LIN28B: variants seen among roughly 807,000 people sequenced by gnomAD.
The protein encoded by LIN28B is protein lin-28 homolog B.
Under a neutral mutation model 21.9 loss-of-function variants are expected in LIN28B, and 5 were observed. The ratio of observed to expected loss-of-function variants is 0.23; its 90% CI spans 0.12 to 0.48. The LOEUF (loss-of-function observed/expected upper bound fraction) is 0.48. Ranked by LOEUF, LIN28B falls within the 20% of genes least tolerant of loss-of-function variation. LIN28B has a pLI of 0.98. For missense variants in LIN28B, 245 were observed against 310.5 expected (o/e 0.79, Z 1.58); for synonymous variants, 109 against 111.3 (o/e 0.98, Z 0.13).
At chr6:105,046,116 A>G (rs1004543081) in intron 3 of LIN28B, among the ~76,000 whole-genome samples, 1 of 152,142 alleles carries the variant, frequency 6.6e-6, no homozygotes, top group African/African-American at 2.4e-5. Context: ...TGCTGCATCC[A>G]TTAACTCAAC....
chr6:105,009,611 C>G (rs965708305), intron 2 of LIN28B, among the ~76,000 whole-genome samples: 4 of 152,128 alleles, frequency 2.6e-5, no homozygotes, highest in Non-Finnish European at 5.9e-5. Context: ...ACTACCTGTC[C>G]CATCAACTGT....
At chr6:105,070,683 G>A (rs1455741853) in intron 3 of LIN28B, among the ~76,000 whole-genome samples, 2 of 150,132 alleles carry the variant, frequency 1.3e-5, no homozygotes, top group African/African-American at 4.9e-5. Context: ...GAGAGTCTGA[G>A]GTAGAGGATG....
Position 105,026,279 on chromosome 6 carries a change from C to T in LIN28B, c.199-19C>T. On this transcript the variant is annotated intron_variant, in intron 2 of 3. Transcript: ENST00000345080. Reference sequence around the variant, plus strand: ...TTTAATCTCTCTTTTTCTCCCCCACCCTCTTCTGCTCTTTACAGAGCAAAC... The same window carrying T: ...TTTAATCTCTCTTTTTCTCCCCCACTCTCTTCTGCTCTTTACAGAGCAAAC... 1 of 1,443,046 alleles carries T rather than the reference C, an allele frequency of 6.9e-7. No homozygotes were observed. The highest frequency in any genetic ancestry group is 9.4e-7 in the Non-Finnish European group (1 of 1,069,394). 89.4% of individuals were successfully genotyped at this position (1,443,046 alleles called of 1,614,324 possible). A position where few individuals can be genotyped will look rare whatever the true frequency, so the allele number is the denominator to read the frequency against.
intron 2 of LIN28B, among the ~76,000 whole-genome samples, chr6:104,958,810 G>A (rs552878086): frequency 1.1e-3 from 173 of 152,282 alleles, no homozygotes; most frequent in Non-Finnish European, 1.9e-3. Flanking sequence ...TGACTTCATA[G>A]TAAAATAAAA....
At chr6:104,974,758 A>G (rs1426680239) in intron 2 of LIN28B, among the ~76,000 whole-genome samples, 4 of 151,946 alleles carry the variant, frequency 2.6e-5, no homozygotes, top group Non-Finnish European at 4.4e-5. Context: ...GATAAAAAAA[A>G]TAAATATTGC....
At chr6:104,991,004 C>G (rs962808169) in intron 2 of LIN28B, among the ~76,000 whole-genome samples, 1 of 152,212 alleles carries the variant, frequency 6.6e-6, no homozygotes, top group African/African-American at 2.4e-5. Context: ...CTATCTTTTC[C>G]CCACATTTCC....
chr6:104,964,674 T>C (rs1017679936), intron 2 of LIN28B, among the ~76,000 whole-genome samples: 8 of 152,224 alleles, frequency 5.3e-5, no homozygotes, highest in Non-Finnish European at 1.2e-4. Context: ...GTAATGTGTT[T>C]AAGAAAGTAC....
intron 2 of LIN28B, among the ~76,000 whole-genome samples, chr6:104,990,328 T>C (rs1770434639): frequency 6.6e-6 from 1 of 151,906 alleles, no homozygotes; most frequent in South Asian, 2.1e-4. Flanking sequence ...TTAAGCTAGT[T>C]AGTCATATTC....
intron 2 of LIN28B, among the ~76,000 whole-genome samples, chr6:105,010,944 A>G (rs1366495929): frequency 2.0e-5 from 3 of 152,170 alleles, no homozygotes; most frequent in Non-Finnish European, 4.4e-5. Flanking sequence ...TAGAACTTCA[A>G]ATAAATGGAA....
chr6:105,001,251 A>T (rs1349132831), intron 2 of LIN28B, among the ~76,000 whole-genome samples: 2 of 152,232 alleles, frequency 1.3e-5, no homozygotes, highest in African/African-American at 4.8e-5. Flanking sequence ...GTGGGGTATG[A>T]ACAGTGTCTA....
chr6:104,995,518 C>T (rs1177169738), intron 2 of LIN28B, among the ~76,000 whole-genome samples: 4 of 152,038 alleles, frequency 2.6e-5, no homozygotes, highest in African/African-American at 9.7e-5. Flanking sequence ...GGTCTGAGAA[C>T]TCAAGTCTAG....
At chr6:104,981,753 A>T (rs1770231265) in intron 2 of LIN28B, among the ~76,000 whole-genome samples, 1 of 152,210 alleles carries the variant, frequency 6.6e-6, no homozygotes, top group African/African-American at 2.4e-5. Flanking sequence ...ATCCCAAGAT[A>T]CCCAGAAAAA....
chr6:104,951,298 TA>T (rs1778218042), intron 3 of LIN28B, among the ~76,000 whole-genome samples: 1 of 152,144 alleles, frequency 6.6e-6, no homozygotes. Flanking sequence ...ATTCTGTTAT[TA>T]AACTTTTCAA....
intron 2 of LIN28B, among the ~76,000 whole-genome samples, chr6:105,012,444 G>A (rs1770944092): frequency 6.6e-6 from 1 of 151,824 alleles, no homozygotes; most frequent in Non-Finnish European, 1.5e-5. Context: ...ACTCCAGCTT[G>A]GGTGACAGAG....
At chr6:104,950,812 T>G (rs1021531897) in intron 3 of LIN28B, among the ~76,000 whole-genome samples, 1 of 152,174 alleles carries the variant, frequency 6.6e-6, no homozygotes, top group Non-Finnish European at 1.5e-5. Flanking sequence ...TAACAGATAT[T>G]TAAATGCTTA....
chr6:104,984,143 G>GATAT (rs1770283564), intron 2 of LIN28B, among the ~76,000 whole-genome samples: 1 of 152,180 alleles, frequency 6.6e-6, no homozygotes, highest in African/African-American at 2.4e-5. Context: ...AAGTGAGTTA[G>GATAT]ATATATAAGA....
At chr6:105,026,223 TTA>T in intron 2 of LIN28B, 73 bp from the exon 3 acceptor site, 1 of 768,492 alleles carries the variant, frequency 1.3e-6, no homozygotes, top group Non-Finnish European at 2.0e-6. Flanking sequence ...TTTTTTAAAA[TTA>T]TAGAGATAAT....
In LIN28B at chr6:104,958,298, T is replaced by A. The variant is rs371978787; in HGVS notation, c.198+12T>A. 35 of 1,537,088 alleles carry A rather than the reference T, an allele frequency of 2.3e-5. No individual in the cohort carries two copies. The highest frequency in any genetic ancestry group is 3.5e-6 in the Non-Finnish European group (4 of 1,127,902). On this transcript the variant is annotated intron_variant, in intron 2 of 3. Coordinates refer to ENST00000345080, the MANE Select transcript of LIN28B (RefSeq NM_001004317.4). The stretch of plus-strand genomic sequence containing the variant: ...TATTTGTACACCAAGTAAGCCAAAC[T>A]TTTTTGTCCCCCTCTTCATCTTTTT...
At chr6:104,944,429 C>T (rs1214754301) in intron 2 of LIN28B, among the ~76,000 whole-genome samples, 1 of 152,010 alleles carries the variant, frequency 6.6e-6, no homozygotes, top group Non-Finnish European at 1.5e-5. Flanking sequence ...GATTTAGGTT[C>T]ATATTCTGGC....
Sources: gnomAD v4.1 joint callset for allele counts (sites outside exome capture counted in the v4.1 genomes callset) on GRCh38, gnomAD v4.1.1 for gene constraint, MANE v1.5 for transcripts, NCBI Gene and HGNC (gene_info 2026-07-23, HGNC 2026-07-21) for gene names.